Variants in MAP7D3 observed in about 807,000 individuals in gnomAD.
The protein encoded by MAP7D3 is MAP7 domain containing 3, also known as MAP7 domain-containing protein 3.
MAP7D3 carries 45 observed loss-of-function variants against 62.2 expected under a neutral mutation model. The ratio of observed to expected loss-of-function variants is 0.72; its 90% CI spans 0.57 to 0.93. MAP7D3 has a LOEUF of 0.93. Among genes scored for constraint, MAP7D3 ranks in the 40% least tolerant of loss-of-function variants. The probability of loss-of-function intolerance (pLI) is 0.00; values close to 1 mark genes in which losing one functional copy is unlikely to be tolerated. For missense variants in MAP7D3, 711 were observed against 683.1 expected (o/e 1.04, Z -0.45); for synonymous variants, 288 against 248.8 (o/e 1.16, Z -1.48).
intron 6 of MAP7D3, among the ~76,000 whole-genome samples, chrX:136,237,993 G>A (rs1439350046): frequency 9.2e-6 from 1 of 108,926 alleles, no homozygotes; most frequent in Non-Finnish European, 1.9e-5. Context: ...TTTTGTCCTT[G>A]CGATAGTTTG....
intron 3 of MAP7D3, among the ~76,000 whole-genome samples, chrX:136,245,603 C>T (rs969301581): frequency 9.1e-6 from 1 of 110,243 alleles, no homozygotes; most frequent in Non-Finnish European, 1.9e-5. Flanking sequence ...AAAAATTAGC[C>T]GGGTGTGGTG....
chrX:136,254,766 A>G (rs750248166), upstream of MAP7D3, among the ~76,000 whole-genome samples: 6 of 111,835 alleles, frequency 5.4e-5, no homozygotes, highest in Non-Finnish European at 9.4e-5. Flanking sequence ...ATTCCAGCCC[A>G]TGGTCGCTGA....
In MAP7D3 at chrX:136,219,498, G is replaced by T. The variant is rs748682618; in HGVS notation, c.2566-3C>A. 5 of 1,202,952 alleles carry T rather than the reference G, an allele frequency of 4.2e-6. No homozygotes were observed. The South Asian group carries it at 8.8e-5, about 21-fold the overall frequency. On this transcript the variant is annotated splice_region_variant and splice_polypyrimidine_tract_variant and intron_variant, in intron 17 of 18. Transcript: ENST00000316077. ...AATCCTTCAGATTTTGTTTGTGCCT[G>T]TCAGGAGAAAAATGTGACAAAGATA...
At chrX:136,224,426 C>T (rs1271513001) in intron 14 of MAP7D3, among the ~76,000 whole-genome samples, 1 of 103,550 alleles carries the variant, frequency 9.7e-6, no homozygotes, top group African/African-American at 3.6e-5. Context: ...AAATGATCAG[C>T]GTTTGAGGTG....
At chrX:136,224,045 CT>C (rs1459439157) in intron 14 of MAP7D3, among the ~76,000 whole-genome samples, 3 of 57,808 alleles carry the variant, frequency 5.2e-5, no homozygotes, top group South Asian at 1.7e-3. Flanking sequence ...GAGCAAGACT[CT>C]TATCTCAAAA....
Position 136,241,273 on chromosome X carries a change from T to C in MAP7D3, c.422A>G (p.Lys141Arg). The change falls in exon 5 of 19, where the codon AAA (lysine) becomes AGA (arginine). Residue 141 changes from lysine to arginine, a missense_variant. Physicochemically the swap from Lys to Arg is conservative, Grantham distance 26. Transcript: ENST00000316077. ...AGTACGATAAAGAATGGCTGTAAAT[T>C]TTTCCTATTTAAAATAAAAGCCAAC... is the stretch of plus-strand genomic sequence containing the variant. ...RHQKDEAQKE[K>R]FTAILYRTLE... 9.4e-7 allele frequency: 1 copy of C among 1,059,777 alleles called. No individual in the cohort carries two copies. The highest frequency in any genetic ancestry group is 1.3e-6 in the Non-Finnish European group (1 of 777,514). 87.3% of individuals were successfully genotyped at this position (1,059,777 alleles called of 1,213,427 possible).
In MAP7D3 at chrX:136,244,530, C is replaced by T. The variant is rs2074425785; in HGVS notation, c.417+102G>A. 4.0e-6 allele frequency: 3 copies of T among 748,946 alleles called. No individual in the cohort carries two copies. In the Admixed American group the frequency reaches 9.0e-5, roughly 22 times the overall value. 61.7% of individuals were successfully genotyped at this position (748,946 alleles called of 1,213,427 possible). A position where few individuals can be genotyped will look rare whatever the true frequency, so the allele number is the denominator to read the frequency against. ...AGAAGAAAGAGCTGGGATTGGTTCC[C>T]TTTCTACAGGGCAAGTAAGGCAGAG... is the stretch of plus-strand genomic sequence containing the variant. On this transcript the variant is annotated intron_variant, in intron 4 of 18. Coordinates refer to ENST00000316077, the MANE Select transcript of MAP7D3 (RefSeq NM_024597.4).
intron 6 of MAP7D3, among the ~76,000 whole-genome samples, chrX:136,237,377 T>C (rs1330807336): frequency 8.9e-6 from 1 of 112,199 alleles, no homozygotes; most frequent in Non-Finnish European, 1.9e-5. Context: ...AATAGACTAC[T>C]TGAATCAACC....
Position 136,246,267 on chromosome X carries a change from T to A in MAP7D3, c.145A>T (p.Asn49Tyr). Residue 49 changes from asparagine (N) to tyrosine (Y), a missense_variant, in exon 2 of 19, where the codon AAT (asparagine) becomes TAT (tyrosine). By Grantham distance (143) the Asn-to-Tyr change is moderately radical. Coordinates refer to ENST00000316077, the MANE Select transcript of MAP7D3 (RefSeq NM_024597.4). Reference sequence around the variant, plus strand: ...CCTGGTTTAAATGTCGATCTTATATTTGAGGAATGGGTTGCAACACGATTA... The same window carrying A: ...CCTGGTTTAAATGTCGATCTTATATATGAGGAATGGGTTGCAACACGATTA... ...VVNRVATHSS[N>Y]IRSTFKPVID... The A allele has an allele frequency of 8.3e-7, 1 of 1,202,574 alleles. No homozygotes were observed. Among genetic ancestry groups the A allele is most frequent in the African/African-American group, 1.7e-5 (1 of 57,654 alleles).
chrX:136,223,275 A>AT (rs1433973704), intron 14 of MAP7D3, among the ~76,000 whole-genome samples: 4 of 111,321 alleles, frequency 3.6e-5, no homozygotes, highest in Non-Finnish European at 7.5e-5. Context: ...CAACTGGGTA[A>AT]TTACAAACAG....
At chrX:136,218,839 T>C (rs1243588374) in intron 18 of MAP7D3, among the ~76,000 whole-genome samples, 6 of 111,352 alleles carry the variant, frequency 5.4e-5, no homozygotes, top group Non-Finnish European at 9.4e-5. Context: ...GAGTCTGAGA[T>C]GCAAGCTTGA....
chrX:136,220,063 G>A (rs1040491868), intron 16 of MAP7D3, among the ~76,000 whole-genome samples: 2 of 112,246 alleles, frequency 1.8e-5, no homozygotes, highest in African/African-American at 6.5e-5. Flanking sequence ...GGCCTTGCAG[G>A]TGAATGTCTT....
intron 10 of MAP7D3, among the ~76,000 whole-genome samples, chrX:136,229,503 G>GT (rs1416563408): frequency 9.0e-6 from 1 of 111,002 alleles, no homozygotes; most frequent in Non-Finnish European, 1.9e-5. Context: ...AAGAATGCAC[G>GT]TAACAGGCAA....
chrX:136,220,731 A>G, intron 16 of MAP7D3, 34 bp downstream of exon 16: 2 of 1,090,569 alleles, frequency 1.8e-6, no homozygotes, highest in Non-Finnish European at 2.5e-6. Context: ...TAATCCTGCC[A>G]AGTTTATTTA....
chrX:136,238,519 A>C (rs1053034184), intron 6 of MAP7D3, among the ~76,000 whole-genome samples: 12 of 112,210 alleles, frequency 1.1e-4, no homozygotes, highest in Non-Finnish European at 2.1e-4. Flanking sequence ...GGTGAATAAT[A>C]AATTAATTTT....
At chrX:136,229,752 G>C (rs1036643225) in intron 10 of MAP7D3, among the ~76,000 whole-genome samples, 1 of 105,779 alleles carries the variant, frequency 9.5e-6, no homozygotes, top group Admixed American at 1.0e-4. Flanking sequence ...CCAGACTAGA[G>C]TGTAAAGGCA....
At chrX:136,244,943 T>C (rs1233338394) in intron 3 of MAP7D3, 148 bp from the exon 4 acceptor site, 1 of 447,142 alleles carries the variant, frequency 2.2e-6, no homozygotes. Context: ...AGATTTATTA[T>C]AAAAGTGAAC....
Position 136,240,421 on chromosome X carries a change from G to T in MAP7D3, c.601C>A (p.Pro201Thr). Residue 201 changes from proline to threonine, a missense_variant, in exon 6 of 19, where the codon CCT becomes ACT. Coordinates refer to ENST00000316077, the MANE Select transcript of MAP7D3 (RefSeq NM_024597.4). ...QGTSALIRQM[P>T]LSSAGLQNSV... ...TTTTGAAGGCCTGCAGATGACAAAG[G>T]CATTTGTCTGATTAAAGCAGAAGTA... 1.7e-6 allele frequency: 2 copies of T among 1,206,428 alleles called. No homozygotes were observed. Among genetic ancestry groups the T allele is most frequent in the Middle Eastern group, 2.3e-4 (1 of 4,337 alleles).
At chrX:136,215,744 C>A (rs2074057304), downstream of MAP7D3, among the ~76,000 whole-genome samples, 1 of 112,023 alleles carries the variant, frequency 8.9e-6, no homozygotes, top group Non-Finnish European at 1.9e-5. Context: ...AAACTAAACA[C>A]TCACAGGCAG....
Sources: gnomAD v4.1 joint callset for allele counts (sites outside exome capture counted in the v4.1 genomes callset) on GRCh38, gnomAD v4.1.1 for gene constraint, MANE v1.5 for transcripts, NCBI Gene and HGNC (gene_info 2026-07-23, HGNC 2026-07-21) for gene names.